COL19A1: variants seen among roughly 807,000 people sequenced by gnomAD.
COL19A1 encodes collagen type XIX alpha 1 chain.
A neutral mutation model predicts 190.2 loss-of-function variants in COL19A1; 159 were observed. That is an observed-to-expected ratio of 0.84 (90% CI 0.73 to 0.95). The LOEUF is 0.95. Ranked by LOEUF, COL19A1 falls within the 40% of genes least tolerant of loss-of-function variation. COL19A1 has a pLI of 0.00. For missense variants in COL19A1, 1,418 were observed against 1,431.9 expected (o/e 0.99, Z 0.16); for synonymous variants, 509 against 458.9 (o/e 1.11, Z -1.39).
chr6:70,146,900 T>A lies in COL19A1; in HGVS notation c.1893+11T>A. 1 of 1,559,978 alleles carries A rather than the reference T, an allele frequency of 6.4e-7. No homozygotes were observed. The highest frequency in any genetic ancestry group is 8.6e-7 in the Non-Finnish European group (1 of 1,159,806). On this transcript the variant is annotated intron_variant, in intron 27 of 50. Transcript: ENST00000620364. ...ATTCCTGGCAGAACAGTAAGTGAAA[T>A]TCATTCGAGTCCTTGTTGATTCCAA... is the stretch of plus-strand genomic sequence containing the variant.
intron 44 of COL19A1, among the ~76,000 whole-genome samples, chr6:70,183,368 T>C (rs967613246): frequency 6.6e-6 from 1 of 152,180 alleles, no homozygotes; most frequent in African/African-American, 2.4e-5. Flanking sequence ...AAAGCAGGGC[T>C]GCCCTGTGGA....
intron 4 of COL19A1, among the ~76,000 whole-genome samples, chr6:69,916,360 A>T (rs1349328496): frequency 6.6e-6 from 1 of 152,248 alleles, no homozygotes; most frequent in Non-Finnish European, 1.5e-5. Context: ...TTAAAAAGAA[A>T]AGAAATGTTT....
intron 40 of COL19A1, among the ~76,000 whole-genome samples, chr6:70,170,936 G>T (rs1374783734): frequency 6.6e-6 from 1 of 152,136 alleles, no homozygotes. Flanking sequence ...TTGTGATTAT[G>T]TCTAAAGCAT....
intron 14 of COL19A1, among the ~76,000 whole-genome samples, chr6:70,049,044 A>G (rs1780054778): frequency 2.6e-5 from 4 of 151,884 alleles, no homozygotes; most frequent in Admixed American, 2.0e-4. Flanking sequence ...GTACATATAA[A>G]TGTATATATT....
Position 69,900,469 on chromosome 6 carries a change from G to A in COL19A1, c.266+131G>A, listed in dbSNP as rs1455218878. ...TCCTCACTGGAATGCAGTGGTAAAC[G>A]TGTTGTTAATGTATTTGTTGTTTAT... On this transcript the variant is annotated intron_variant, in intron 4 of 50. Coordinates refer to ENST00000620364, the MANE Select transcript of COL19A1 (RefSeq NM_001858.6). 8.7e-6 allele frequency: 4 copies of A among 458,940 alleles called. No homozygotes were observed. In the South Asian group the frequency reaches 1.5e-4, roughly 18 times the overall value. 28.4% of individuals were successfully genotyped at this position (458,940 alleles called of 1,614,324 possible).
chr6:69,948,540 A>G (rs10485244), intron 9 of COL19A1, among the ~76,000 whole-genome samples: 18,468 of 151,698 alleles, frequency 0.12, 1,407 homozygotes, highest in East Asian at 0.21. Context: ...AGTAGAATCA[A>G]TCCTGTCAAA....
At chr6:70,109,867 C>G (rs1184790536) in intron 16 of COL19A1, among the ~76,000 whole-genome samples, 2 of 152,060 alleles carry the variant, frequency 1.3e-5, no homozygotes, top group Non-Finnish European at 2.9e-5. Context: ...TCTGATGTTT[C>G]CTTTCTGATA....
chr6:70,042,051 C>G (rs1779661252), intron 14 of COL19A1, among the ~76,000 whole-genome samples: 1 of 151,968 alleles, frequency 6.6e-6, no homozygotes. Context: ...GGTGACATAG[C>G]AAGACTCTGT....
intron 14 of COL19A1, among the ~76,000 whole-genome samples, chr6:70,055,781 T>TTAAAAAAAA (rs547910835): frequency 8.7e-4 from 102 of 117,408 alleles, no homozygotes; most frequent in African/African-American, 3.4e-3. Context: ...AACTCTGTAT[T>TTAAAAAAAA]AAAAAAAAAA....
chr6:69,920,302 C>T (rs1385835925), intron 4 of COL19A1, among the ~76,000 whole-genome samples: 4 of 152,084 alleles, frequency 2.6e-5, no homozygotes, highest in African/African-American at 4.8e-5. Flanking sequence ...TTTCTGATCC[C>T]CTGGTCACTT....
chr6:69,921,026 C>CAT (rs1194949759), intron 4 of COL19A1, among the ~76,000 whole-genome samples: 11 of 1,052 alleles, frequency 0.01, 1 homozygote, highest in African/African-American at 0.041. Context: ...TATATATATT[C>CAT]ATATATATCA....
intron 14 of COL19A1, among the ~76,000 whole-genome samples, chr6:70,048,371 A>G (rs1212072936): frequency 6.6e-6 from 1 of 152,060 alleles, no homozygotes; most frequent in Non-Finnish European, 1.5e-5. Flanking sequence ...TCAGTAAGTG[A>G]TATGGTCCCT....
chr6:69,869,446 C>T (rs1767683394), intron 1 of COL19A1, among the ~76,000 whole-genome samples: 1 of 151,878 alleles, frequency 6.6e-6, no homozygotes, highest in African/African-American at 2.4e-5. Flanking sequence ...TCTATGCATA[C>T]GTTATGAAGC....
chr6:70,135,633 A>T (rs1168998718), intron 18 of COL19A1, among the ~76,000 whole-genome samples: 2 of 152,134 alleles, frequency 1.3e-5, no homozygotes, highest in African/African-American at 2.4e-5. Flanking sequence ...GAAAAGAAAG[A>T]TTGTATTGCA....
chr6:70,040,192 A>G (rs532801102), intron 14 of COL19A1, among the ~76,000 whole-genome samples: 1 of 152,274 alleles, frequency 6.6e-6, no homozygotes, highest in South Asian at 2.1e-4. Flanking sequence ...CATCTATTTC[A>G]TTAAATGTTA....
intron 11 of COL19A1, among the ~76,000 whole-genome samples, chr6:69,994,756 C>T (rs1776805996): frequency 6.6e-6 from 1 of 152,104 alleles, no homozygotes; most frequent in African/African-American, 2.4e-5. Context: ...CTGTATTTTA[C>T]CCCAGATGAT....
At chr6:70,145,299 G>C (rs550244009) in intron 25 of COL19A1, among the ~76,000 whole-genome samples, 6 of 152,160 alleles carry the variant, frequency 3.9e-5, no homozygotes, top group African/African-American at 1.2e-4. Context: ...CAATAGACTA[G>C]ATAAAGAAAA....
rs539976474 is a variant in COL19A1 at position 70,062,177 on chromosome 6, G to A, written c.1171-6246G>A. On this transcript the variant is annotated intron_variant, in intron 14 of 50. Transcript: ENST00000620364. ...AATTTCATTCAACTGTTGTGGAGAA[G>A]GAGTAACAAAGATTTGGGGGAACAG... 7.9e-5 allele frequency among the ~76,000 whole-genome samples: 12 copies of A among 152,076 alleles called. No homozygotes were observed. The East Asian group carries it at 2.3e-3, about 29-fold the overall frequency.
intron 4 of COL19A1, among the ~76,000 whole-genome samples, chr6:69,905,463 C>T (rs1175097843): frequency 3.3e-5 from 5 of 152,124 alleles, no homozygotes; most frequent in Non-Finnish European, 5.9e-5. Context: ...TGAGCTGAGC[C>T]GTGTCCTGGC....
Sources: allele counts gnomAD v4.1 joint callset (sites outside exome capture counted in the v4.1 genomes callset), GRCh38; gene constraint gnomAD v4.1.1; transcripts MANE v1.5; gene names NCBI Gene and HGNC (gene_info 2026-07-23, HGNC 2026-07-21).